EYS: variants seen among roughly 807,000 people sequenced by gnomAD.
EYS encodes EGF-like photoreceptor maintenance factor, also known as protein eyes shut homolog.
In EYS, 250 loss-of-function variants were observed where a neutral mutation model predicts 282.1. The ratio of observed to expected loss-of-function variants is 0.89; its 90% confidence interval spans 0.80 to 0.98. The LOEUF (loss-of-function observed/expected upper bound fraction) is 0.98, where lower values mean the gene tolerates loss of function less well. Among genes scored for constraint, EYS ranks in the 50% least tolerant of loss-of-function variants. The probability of loss-of-function intolerance (pLI) is 0.00; values close to 1 mark genes in which losing one functional copy is unlikely to be tolerated. For synonymous variants in EYS, 1,355 were observed against 1,282.9 expected, an observed-to-expected ratio of 1.06 and a Z score of -1.20; for missense variants, 4,016 against 3,709.0, an observed-to-expected ratio of 1.08 and a Z score of -2.15.
chr6:65,460,740 A>G (rs1442687285), intron 5 of EYS, among the ~76,000 whole-genome samples: 1 of 152,080 alleles, frequency 6.6e-6, no homozygotes, highest in Non-Finnish European at 1.5e-5. Context: ...ACTACAAACA[A>G]CACAATAGTT....
intron 26 of EYS, among the ~76,000 whole-genome samples, chr6:64,583,460 T>A (rs1193818045): frequency 1.3e-5 from 2 of 152,032 alleles, no homozygotes; most frequent in Admixed American, 6.6e-5. Flanking sequence ...CTGGTGCCTG[T>A]CACAAAGTAG....
intron 22 of EYS, among the ~76,000 whole-genome samples, chr6:64,718,853 G>T (rs973917884): frequency 6.6e-6 from 1 of 152,134 alleles, no homozygotes; most frequent in African/African-American, 2.4e-5. Flanking sequence ...CTCCCTGAAG[G>T]TATCCACACA....
At chr6:64,056,907 T>C (rs948422292) in intron 33 of EYS, among the ~76,000 whole-genome samples, 4 of 152,204 alleles carry the variant, frequency 2.6e-5, no homozygotes, top group Non-Finnish European at 5.9e-5. Flanking sequence ...CTCCTCCTTT[T>C]TATCTTTGTA....
At chr6:65,121,244 A>T (rs1039366999) in intron 12 of EYS, among the ~76,000 whole-genome samples, 1 of 152,124 alleles carries the variant, frequency 6.6e-6, no homozygotes, top group Admixed American at 6.5e-5. Flanking sequence ...TGACTGACCC[A>T]AAAGAGTATA....
chr6:64,724,725 C>T (rs556761633), intron 22 of EYS, among the ~76,000 whole-genome samples: 2 of 152,160 alleles, frequency 1.3e-5, no homozygotes, highest in African/African-American at 4.8e-5. Flanking sequence ...ATCTGATATG[C>T]ACTGAAAGGA....
Position 63,877,512 on chromosome 6 carries a change from T to A in EYS, c.7056-13154A>T, listed in dbSNP as rs914018182. Reference sequence around the variant, plus strand: ...CTCTGTATTTCCTGAATTTGACTGTTGGGCTGCCTTGCTAGGTTGGGGAAG... The same window carrying A: ...CTCTGTATTTCCTGAATTTGACTGTAGGGCTGCCTTGCTAGGTTGGGGAAG... On this transcript the variant is annotated intron_variant, in intron 35 of 42. Coordinates refer to ENST00000503581, the MANE Select transcript of EYS (RefSeq NM_001142800.2). 2.6e-5 allele frequency among the ~76,000 whole-genome samples: 4 copies of A among 152,252 alleles called. No homozygotes were observed. The East Asian group carries it at 7.7e-4, about 29-fold the overall frequency.
At chr6:65,678,589 GC>G (rs1189893998) in intron 1 of EYS, among the ~76,000 whole-genome samples, 1 of 151,766 alleles carries the variant, frequency 6.6e-6, no homozygotes, top group Non-Finnish European at 1.5e-5. Flanking sequence ...GGAAACAAAA[GC>G]AAAAACAGAC....
chr6:63,809,274 T>C (rs73762470), intron 36 of EYS, among the ~76,000 whole-genome samples: 168 of 152,274 alleles, frequency 1.1e-3, no homozygotes, highest in African/African-American at 3.9e-3. Context: ...CTTTCAACCT[T>C]ACAAATCATT....
intron 26 of EYS, among the ~76,000 whole-genome samples, chr6:64,564,788 T>G: frequency 6.6e-6 from 1 of 150,396 alleles, no homozygotes; most frequent in Non-Finnish European, 1.5e-5. Flanking sequence ...GGCCTGTAGG[T>G]TGGGGTGGGG....
chr6:65,670,400 T>C (rs920625018), intron 1 of EYS, among the ~76,000 whole-genome samples: 2 of 152,070 alleles, frequency 1.3e-5, no homozygotes, highest in Admixed American at 6.6e-5. Flanking sequence ...TTCAACATTC[T>C]GTTAAGGTTT....
intron 35 of EYS, among the ~76,000 whole-genome samples, chr6:63,963,120 G>GCT (rs1766151557): frequency 1.4e-5 from 1 of 70,432 alleles, no homozygotes; most frequent in Non-Finnish European, 3.0e-5. Flanking sequence ...GGGGTGGGGG[G>GCT]AAGGGGGAGG....
At chr6:65,128,609 C>G in intron 12 of EYS, among the ~76,000 whole-genome samples, 1 of 151,902 alleles carries the variant, frequency 6.6e-6, no homozygotes. Context: ...AGGAATACAG[C>G]TAACCAAGGA....
chr6:65,215,504 G>C (rs1356095865), intron 12 of EYS, among the ~76,000 whole-genome samples: 1 of 152,146 alleles, frequency 6.6e-6, no homozygotes, highest in Non-Finnish European at 1.5e-5. Flanking sequence ...TCTTAAGATG[G>C]AATGTACTTC....
intron 12 of EYS, among the ~76,000 whole-genome samples, chr6:65,129,607 A>G (rs182273981): frequency 6.6e-6 from 1 of 152,156 alleles, no homozygotes; most frequent in African/African-American, 2.4e-5. Context: ...CAAAACCACA[A>G]TGAGATACCA....
chr6:65,639,140 G>A (rs184124232), intron 2 of EYS, among the ~76,000 whole-genome samples: 2 of 152,078 alleles, frequency 1.3e-5, no homozygotes, highest in Non-Finnish European at 2.9e-5. Context: ...AAGAGAAAAA[G>A]TAAATAAGCT....
intron 19 of EYS, among the ~76,000 whole-genome samples, chr6:64,826,859 T>C (rs1264681620): frequency 6.6e-6 from 1 of 151,562 alleles, no homozygotes; most frequent in Non-Finnish European, 1.5e-5. Flanking sequence ...ATTTCACATA[T>C]GAGAACCTCA....
At chr6:64,860,949 T>G (rs1318557845) in intron 19 of EYS, among the ~76,000 whole-genome samples, 3 of 152,150 alleles carry the variant, frequency 2.0e-5, no homozygotes, top group Non-Finnish European at 4.4e-5. Context: ...AAAGGAAGTG[T>G]GTGCTGATTG....
intron 26 of EYS, among the ~76,000 whole-genome samples, chr6:64,565,689 G>A (rs1765543763): frequency 1.3e-5 from 2 of 151,908 alleles, no homozygotes; most frequent in South Asian, 4.2e-4. Context: ...GATCTAATAC[G>A]TGGCATGATG....
chr6:65,355,048 GTCC>G (rs1764427824), intron 8 of EYS, among the ~76,000 whole-genome samples: 1 of 151,898 alleles, frequency 6.6e-6, no homozygotes, highest in Non-Finnish European at 1.5e-5. Context: ...TTGGATTTGG[GTCC>G]TCATTGTGAT....
Sources: allele counts gnomAD v4.1 joint callset (sites outside exome capture counted in the v4.1 genomes callset), GRCh38; gene constraint gnomAD v4.1.1; transcripts MANE v1.5; gene names NCBI Gene and HGNC (gene_info 2026-07-23, HGNC 2026-07-21).